Variants in WWOX observed in about 807,000 individuals in gnomAD.
The protein encoded by WWOX is WW domain containing oxidoreductase.
A neutral mutation model predicts 46.2 loss-of-function variants in WWOX; 69 were observed. The ratio of observed to expected loss-of-function variants is 1.49; its 90% confidence interval spans 1.23 to 1.82. The LOEUF (loss-of-function observed/expected upper bound fraction) is 1.82. Ranked by LOEUF, WWOX falls within the 40% of genes most tolerant of loss-of-function variation. The pLI, the probability that WWOX is intolerant of heterozygous loss-of-function variation, is 0.00. For synonymous variants in WWOX, 359 were observed against 202.6 expected, an observed-to-expected ratio of 1.77 and a Z score of -6.56; for missense variants, 919 against 542.6, an observed-to-expected ratio of 1.69 and a Z score of -6.89.
At chr16:79,152,943 G>T (rs1188385052) in intron 8 of WWOX, among the ~76,000 whole-genome samples, 2 of 152,106 alleles carry the variant, frequency 1.3e-5, no homozygotes, top group South Asian at 4.1e-4. Context: ...TGGAAAGAGA[G>T]GACTGCTCCT....
chr16:78,779,777 G>A (rs771025795), intron 8 of WWOX, among the ~76,000 whole-genome samples: 8 of 152,154 alleles, frequency 5.3e-5, no homozygotes, highest in Admixed American at 6.5e-5. Context: ...GGTGGCAGAG[G>A]TGGGATCTAG....
At chr16:79,204,086 A>C (rs77610657) in intron 8 of WWOX, 4 of 151,952 alleles carry the variant, frequency 2.6e-5, no homozygotes, top group African/African-American at 7.3e-5. Flanking sequence ...TTTGTTGGCA[A>C]ATTTCTATGG....
At chr16:78,850,079 A>C (rs1253976843) in intron 8 of WWOX, among the ~76,000 whole-genome samples, 1 of 152,182 alleles carries the variant, frequency 6.6e-6, no homozygotes, top group Non-Finnish European at 1.5e-5. Context: ...TCTTAAAAAA[A>C]AAAAATAGAG....
intron 8 of WWOX, among the ~76,000 whole-genome samples, chr16:79,023,097 G>A (rs1597290356): frequency 6.6e-6 from 1 of 152,020 alleles, no homozygotes; most frequent in East Asian, 1.9e-4. Context: ...CAGCAATCAT[G>A]TTCAAGTCTG....
intron 4 of WWOX, among the ~76,000 whole-genome samples, chr16:78,157,108 A>G (rs959553991): frequency 1.3e-5 from 2 of 152,136 alleles, no homozygotes; most frequent in African/African-American, 4.8e-5. Flanking sequence ...GAAACTGTGA[A>G]GAAAGATATT....
At chr16:78,785,107 C>T (rs1264709078) in intron 8 of WWOX, among the ~76,000 whole-genome samples, 3 of 152,106 alleles carry the variant, frequency 2.0e-5, no homozygotes, top group Admixed American at 6.6e-5. Flanking sequence ...AAATAACATC[C>T]ATAAAAATAA....
intron 8 of WWOX, among the ~76,000 whole-genome samples, chr16:78,844,367 G>A (rs1233362824): frequency 6.6e-6 from 1 of 152,108 alleles, no homozygotes; most frequent in Non-Finnish European, 1.5e-5. Flanking sequence ...CCATATGCCT[G>A]GGATGGGAAA....
At chr16:78,853,917 C>A (rs2052509232) in intron 8 of WWOX, among the ~76,000 whole-genome samples, 1 of 152,104 alleles carries the variant, frequency 6.6e-6, no homozygotes, top group African/African-American at 2.4e-5. Flanking sequence ...ATTTAAAATA[C>A]TTGTAGTATC....
intron 8 of WWOX, among the ~76,000 whole-genome samples, chr16:78,710,495 T>TATATATATATATAA: frequency 7.3e-6 from 1 of 136,128 alleles, no homozygotes; most frequent in Non-Finnish European, 1.6e-5. Flanking sequence ...TATATATATA[T>TATATATATATATAA]ATATTTATAT....
At chr16:78,996,654 C>T (rs981182114) in intron 8 of WWOX, among the ~76,000 whole-genome samples, 11 of 152,068 alleles carry the variant, frequency 7.2e-5, no homozygotes, top group Non-Finnish European at 7.4e-5. Context: ...CTAGTGTGCT[C>T]TACATCCCCC....
chr16:78,925,248 A>T (rs143194512), intron 8 of WWOX, among the ~76,000 whole-genome samples: 1 of 152,316 alleles, frequency 6.6e-6, no homozygotes, highest in Non-Finnish European at 1.5e-5. Flanking sequence ...TAGAAGCCAC[A>T]TGACCAAGGC....
intron 8 of WWOX, among the ~76,000 whole-genome samples, chr16:78,705,369 A>G (rs138778337): frequency 2.4e-4 from 37 of 152,338 alleles, no homozygotes; most frequent in Non-Finnish European, 4.3e-4. Context: ...CACATAAGAG[A>G]GTCAAAGGGA....
chr16:78,358,074 C>T (rs1166167654), intron 5 of WWOX, among the ~76,000 whole-genome samples: 1 of 152,202 alleles, frequency 6.6e-6, no homozygotes. Context: ...TCTGCATACA[C>T]TTGGAACTAG....
intron 8 of WWOX, among the ~76,000 whole-genome samples, chr16:79,015,173 G>T (rs1335099141): frequency 6.6e-6 from 1 of 152,144 alleles, no homozygotes; most frequent in East Asian, 1.9e-4. Flanking sequence ...TTTCTGCAGT[G>T]TTCTAGGTAT....
chr16:78,181,851 A>G (rs949284588), intron 5 of WWOX, among the ~76,000 whole-genome samples: 1 of 152,144 alleles, frequency 6.6e-6, no homozygotes, highest in Non-Finnish European at 1.5e-5. Context: ...TATATTTTAG[A>G]TGTATAAGTG....
At chr16:79,172,066 C>T (rs1185280108) in intron 8 of WWOX, among the ~76,000 whole-genome samples, 1 of 152,166 alleles carries the variant, frequency 6.6e-6, no homozygotes, top group African/African-American at 2.4e-5. Flanking sequence ...TTGGGATCCT[C>T]CCCTGTGTTA....
intron 5 of WWOX, among the ~76,000 whole-genome samples, chr16:78,380,227 G>A (rs1330692425): frequency 1.3e-5 from 2 of 152,122 alleles, no homozygotes; most frequent in East Asian, 1.9e-4. Context: ...GGGGCAAGGA[G>A]GGTTGGGGGA....
chr16:78,970,709 A>C (rs1047896652), intron 8 of WWOX, among the ~76,000 whole-genome samples: 1 of 152,138 alleles, frequency 6.6e-6, no homozygotes, highest in Non-Finnish European at 1.5e-5. Context: ...AGGAGGAGCC[A>C]TGTGTAGAAC....
intron 8 of WWOX, among the ~76,000 whole-genome samples, chr16:79,184,594 C>T (rs2050976931): frequency 6.6e-6 from 1 of 152,182 alleles, no homozygotes; most frequent in South Asian, 2.1e-4. Flanking sequence ...AAGCTCCAGC[C>T]CTGTAGTGCC....
Sources: gnomAD v4.1 joint callset for allele counts (sites outside exome capture counted in the v4.1 genomes callset) on GRCh38, gnomAD v4.1.1 for gene constraint, MANE v1.5 for transcripts, NCBI Gene and HGNC (gene_info 2026-07-23, HGNC 2026-07-21) for gene names.